The following DOCK5 variants were observed in gnomAD, a reference collection of about 807,000 sequenced individuals.
DOCK5 encodes the protein dedicator of cytokinesis protein 5.
Under a neutral mutation model 251.8 loss-of-function variants are expected in DOCK5, and 142 were observed. The observed-to-expected ratio is 0.56, with a 90% CI of 0.49 to 0.65. DOCK5 has a LOEUF of 0.65. Ranked by LOEUF, DOCK5 falls within the 30% of genes least tolerant of loss-of-function variation. The probability of loss-of-function intolerance (pLI) is 0.00; values close to 1 mark genes in which losing one functional copy is unlikely to be tolerated. For missense variants in DOCK5, 2,111 were observed against 2,312.3 expected (o/e 0.91, Z 1.79); for synonymous variants, 842 against 835.5 (o/e 1.01, Z -0.13).
intron 38 of DOCK5, among the ~76,000 whole-genome samples, chr8:25,378,765 G>A (rs1223209222): frequency 6.6e-6 from 1 of 152,170 alleles, no homozygotes; most frequent in Non-Finnish European, 1.5e-5. Context: ...GCCCTGCATT[G>A]AAATACAGTT....
intron 27 of DOCK5, among the ~76,000 whole-genome samples, chr8:25,355,299 A>G (rs1445931010): frequency 6.6e-6 from 1 of 152,204 alleles, no homozygotes; most frequent in Non-Finnish European, 1.5e-5. Context: ...ATTTCTAGCC[A>G]ATGTAATAAG....
At position 25,292,026 on chromosome 8, in the gene DOCK5, C is replaced by T; in HGVS notation, c.324C>T (p.Asn108=). The T allele has an allele frequency of 1.9e-6, 3 of 1,586,506 alleles. No homozygotes were observed. Among genetic ancestry groups the T allele is most frequent in the East Asian group, 2.3e-5 (1 of 44,112 alleles). The change falls in exon 6 of 52, where the codon AAC becomes AAT. Residue 108 remains asparagine, a splice_region_variant and synonymous_variant. Coordinates refer to ENST00000276440, the MANE Select transcript of DOCK5 (RefSeq NM_024940.8). ...WAVIWRKLYV[N]NKLTLFRQLQ... ...TTCATCATATTTTCTCATCTTAGAACAACAAGCTCACCCTCTTCCGCCAGC... is the reference window on the plus strand; with the variant it reads ...TTCATCATATTTTCTCATCTTAGAATAACAAGCTCACCCTCTTCCGCCAGC...
chr8:25,350,159 G>A (rs1334780107), intron 26 of DOCK5, among the ~76,000 whole-genome samples: 4 of 152,132 alleles, frequency 2.6e-5, no homozygotes, highest in Admixed American at 2.0e-4. Flanking sequence ...ACACGATTAC[G>A]TGGATCAAAT....
chr8:25,217,815 A>G (rs1286191480), intron 1 of DOCK5, among the ~76,000 whole-genome samples: 1 of 152,178 alleles, frequency 6.6e-6, no homozygotes, highest in Admixed American at 6.5e-5. Context: ...CTCTTTCAGT[A>G]TTTCTGGTTT....
intron 1 of DOCK5, among the ~76,000 whole-genome samples, chr8:25,217,491 A>G (rs1802279196): frequency 6.6e-6 from 1 of 152,116 alleles, no homozygotes. Flanking sequence ...GGAGAGTTTG[A>G]GATTCTTCTT....
rs990583509 is a variant in DOCK5, at chr8:25,414,450, T to C, written c.*3152T>C. ...TCTGCCAAGGAAATCCATTAAAAAC[T>C]GCAGCCACACTGCAATTTCCTAATG... is the stretch of plus-strand genomic sequence containing the variant. On this transcript the variant is annotated 3_prime_UTR_variant, in exon 52 of 52. Coordinates refer to ENST00000276440, the MANE Select transcript of DOCK5 (RefSeq NM_024940.8). The C allele has an allele frequency of 6.6e-6, 1 of 152,246 alleles. No homozygotes were observed. Among genetic ancestry groups the C allele is most frequent in the Admixed American group, 6.5e-5 (1 of 15,280 alleles). 9.4% of individuals were successfully genotyped at this position (152,246 alleles called of 1,614,324 possible).
intron 3 of DOCK5, among the ~76,000 whole-genome samples, chr8:25,271,844 C>G (rs1033202571): frequency 2.0e-5 from 3 of 152,286 alleles, no homozygotes; most frequent in Non-Finnish European, 2.9e-5. Context: ...TGTGTGTCAT[C>G]ATGGCATAGG....
chr8:25,332,585 C>T lies in DOCK5; in HGVS notation c.2002-18C>T, dbSNP rs373019947. 775 of 1,591,224 alleles carry T rather than the reference C, an allele frequency of 4.9e-4. 1 individual carries two copies. Among genetic ancestry groups the T allele is most frequent in the Admixed American group, 1.1e-3 (65 of 57,724 alleles). On this transcript the variant is annotated intron_variant, in intron 19 of 51. Transcript: ENST00000276440. ...AATGAAAGCATCAAAATAACCTCTC[C>T]GTTTTTCTTATCTTCAGTTTTTGCA...
chr8:25,308,920 G>A lies in DOCK5; in HGVS notation c.1187G>A (p.Gly396Glu), dbSNP rs764789148. The A allele has an allele frequency of 7.4e-6, 12 of 1,613,382 alleles. No individual in the cohort carries two copies. The highest frequency in any genetic ancestry group is 1.3e-5 in the African/African-American group (1 of 74,898). Residue 396 changes from glycine to glutamate, a missense_variant, in exon 12 of 52, where the codon GGG becomes GAG. Physicochemically the swap from Gly to Glu is moderately conservative, Grantham distance 98. Transcript: ENST00000276440. ...GCAGCAAAGGAAGTGAATCACAAAG[G>A]GCAAGGTACAGTCCAGTGCCAGAGC... ...VIAAKEVNHK[G>E]QGLWVSLKLL...
intron 40 of DOCK5, among the ~76,000 whole-genome samples, chr8:25,385,588 A>C (rs1379470022): frequency 1.3e-5 from 2 of 152,160 alleles, no homozygotes; most frequent in Non-Finnish European, 2.9e-5. Flanking sequence ...TCCTTGAGTA[A>C]ATATTTATTA....
chr8:25,193,407 TAGAC>T (rs370554890), intron 1 of DOCK5, among the ~76,000 whole-genome samples: 30 of 151,984 alleles, frequency 2.0e-4, no homozygotes, highest in East Asian at 7.7e-4. Flanking sequence ...TTTAGGTACT[TAGAC>T]AGCACTGTAG....
intron 25 of DOCK5, among the ~76,000 whole-genome samples, chr8:25,343,374 A>G (rs1207969347): frequency 6.6e-6 from 1 of 152,176 alleles, no homozygotes; most frequent in African/African-American, 2.4e-5. Flanking sequence ...GGCAACATTA[A>G]TATTGTTGCC....
intron 1 of DOCK5, among the ~76,000 whole-genome samples, chr8:25,190,414 C>A (rs1037297629): frequency 6.6e-6 from 1 of 151,988 alleles, no homozygotes; most frequent in Non-Finnish European, 1.5e-5. Context: ...GAATTAGTCA[C>A]GAGCATATAT....
chr8:25,408,181 A>G, intron 49 of DOCK5, 27 bp downstream of exon 49: 1 of 1,547,304 alleles, frequency 6.5e-7, no homozygotes, highest in South Asian at 1.2e-5. Flanking sequence ...AAAAAAAGAA[A>G]TCTCTGGAGG....
chr8:25,207,976 G>GA (rs1802043658), intron 1 of DOCK5, among the ~76,000 whole-genome samples: 2 of 152,182 alleles, frequency 1.3e-5, no homozygotes, highest in Non-Finnish European at 2.9e-5. Context: ...TTCATGGGAG[G>GA]AGGTCAAAAT....
Position 25,408,855 on chromosome 8 carries a change from G to A in DOCK5, c.5319G>A (p.Arg1773=). The part of the protein sequence containing the change: ...RPKSLQLMDN[R]LSPFHGSSPP... Reference sequence around the variant, plus strand: ...AGAGTCTCCAGTTGATGGATAATCGGCTATCACCATTTCACGGTTCTTCAC... The same window carrying A: ...AGAGTCTCCAGTTGATGGATAATCGACTATCACCATTTCACGGTTCTTCAC... The change falls in exon 50 of 52, where the codon CGG becomes CGA. Residue 1773 remains arginine (R), a synonymous_variant. Transcript: ENST00000276440. The A allele has an allele frequency of 1.9e-6, 3 of 1,613,990 alleles. No individual in the cohort carries two copies. The highest frequency in any genetic ancestry group is 2.2e-5 in the East Asian group (1 of 44,882).
Position 25,296,609 on chromosome 8 carries a change from G to A in DOCK5, c.567G>A (p.Val189=). Residue 189 remains valine (V), a synonymous_variant, in exon 7 of 52, where the codon GTG becomes GTA. Transcript: ENST00000276440. The stretch of plus-strand genomic sequence containing the variant: ...TTGCCCTCTTCAAGGCCCATGAGGT[G>A]GCCTCCAAAAGGATTGAGGAAAAGA... ...STIALFKAHE[V]ASKRIEEKIQ... The A allele has an allele frequency of 6.2e-7, 1 of 1,612,562 alleles. No homozygotes were observed. Among genetic ancestry groups the A allele is most frequent in the Non-Finnish European group, 8.5e-7 (1 of 1,179,382 alleles).
At chr8:25,258,573 CT>C (rs1422799840) in intron 2 of DOCK5, among the ~76,000 whole-genome samples, 1 of 152,130 alleles carries the variant, frequency 6.6e-6, no homozygotes, top group Non-Finnish European at 1.5e-5. Flanking sequence ...AGGCAGGGTG[CT>C]TTAGCGCTGC....
rs1056697524 is a variant in DOCK5 at position 25,211,326 on chromosome 8, C to T, written c.43+26375C>T. ...TCAGGAAGGCCCCAGGGAACAACTA[C>T]GCCAGTTTTATCACCCATGCACTGG... On this transcript the variant is annotated intron_variant, in intron 1 of 51. Coordinates refer to ENST00000276440, the MANE Select transcript of DOCK5 (RefSeq NM_024940.8). Among the ~76,000 whole-genome samples, 5 of 70,540 alleles carry T rather than the reference C, an allele frequency of 7.1e-5. 1 individual carries two copies. Among genetic ancestry groups the T allele is most frequent in the East Asian group, 3.1e-4 (1 of 3,202 alleles). The allele number at this position is 70,540 out of a possible 152,430, so 46.3% of individuals were successfully genotyped here.
Sources: gnomAD v4.1 joint callset for allele counts (sites outside exome capture counted in the v4.1 genomes callset) on GRCh38, gnomAD v4.1.1 for gene constraint, MANE v1.5 for transcripts, NCBI Gene and HGNC (gene_info 2026-07-23, HGNC 2026-07-21) for gene names.